Variants in FHOD3 observed in about 807,000 individuals in gnomAD.
FHOD3 encodes the protein FH1/FH2 domain-containing protein 3.
In FHOD3, 90 loss-of-function variants were observed where a neutral mutation model predicts 173.0. The ratio of observed to expected loss-of-function variants is 0.52; its 90% CI spans 0.44 to 0.62. The LOEUF is 0.62. Among genes scored for constraint, FHOD3 ranks in the 20% least tolerant of loss-of-function variants. The probability of loss-of-function intolerance (pLI) is 0.00; values close to 1 mark genes in which losing one functional copy is unlikely to be tolerated. For missense variants in FHOD3, 1,945 were observed against 2,034.7 expected (o/e 0.96, Z 0.85); for synonymous variants, 828 against 823.0 (o/e 1.01, Z -0.10).
At chr18:36,729,373 G>A (rs150656351) in intron 19 of FHOD3, among the ~76,000 whole-genome samples, 1 of 152,324 alleles carries the variant, frequency 6.6e-6, no homozygotes, top group East Asian at 1.9e-4. Context: ...GAGGAAAGCT[G>A]GGGGCCTTGT....
intron 6 of FHOD3, among the ~76,000 whole-genome samples, chr18:36,582,649 G>A (rs1047915356): frequency 5.3e-5 from 8 of 152,154 alleles, no homozygotes; most frequent in Non-Finnish European, 8.8e-5. Flanking sequence ...TAAACTTGAT[G>A]GCTGCTACAG....
chr18:36,405,977 TTAG>T (rs2049035742), intron 3 of FHOD3, among the ~76,000 whole-genome samples: 1 of 152,218 alleles, frequency 6.6e-6, no homozygotes, highest in African/African-American at 2.4e-5. Flanking sequence ...TGCTAAGCAC[TTAG>T]TAGGTTTTTG....
chr18:36,657,816 A>G (rs1182038888), intron 13 of FHOD3, among the ~76,000 whole-genome samples: 2 of 152,216 alleles, frequency 1.3e-5, no homozygotes, highest in African/African-American at 4.8e-5. Flanking sequence ...AAAAAACAGG[A>G]AATGTTAGGG....
At chr18:36,587,473 C>G (rs985832907) in intron 6 of FHOD3, among the ~76,000 whole-genome samples, 7 of 152,206 alleles carry the variant, frequency 4.6e-5, no homozygotes, top group Non-Finnish European at 1.0e-4. Context: ...CAACCTTCAT[C>G]TAAGCCCCAG....
intron 6 of FHOD3, among the ~76,000 whole-genome samples, chr18:36,594,472 C>T (rs772294862): frequency 2.0e-5 from 3 of 152,130 alleles, no homozygotes; most frequent in South Asian, 2.1e-4. Context: ...TCAGCACATA[C>T]TCGTGTTTGA....
chr18:36,393,789 A>T lies in FHOD3; in HGVS notation c.337+21045A>T, dbSNP rs73949467. On this transcript the variant is annotated intron_variant, in intron 3 of 28. Transcript: ENST00000590592. ...GGGCCAGAAGGCTTCCTCTTAAATT[A>T]TACTGATCCTACTGCAGGGTTGATA... Among the ~76,000 whole-genome samples the T allele has an allele frequency of 5.3e-3, 814 of 152,264 alleles. 10 individuals are homozygous for T. Among genetic ancestry groups the T allele is most frequent in the African/African-American group, 0.018 (767 of 41,552 alleles).
Position 36,329,292 on chromosome 18 carries a change from C to T in FHOD3, c.166-26247C>T, listed in dbSNP as rs548974836. ...CTGTCTCGTGTGATTTGTACCAGTC[C>T]GCCCAACGAACCACTCTTGTACCCC... On this transcript the variant is annotated intron_variant, in intron 1 of 28. Coordinates refer to ENST00000590592, the MANE Select transcript of FHOD3 (RefSeq NM_001281740.3). Among the ~76,000 whole-genome samples the T allele has an allele frequency of 1.8e-3, 271 of 152,216 alleles. 1 individual carries two copies. Among genetic ancestry groups the T allele is most frequent in the Non-Finnish European group, 1.9e-3 (126 of 68,012 alleles).
chr18:36,510,022 A>G (rs73948003), intron 4 of FHOD3, among the ~76,000 whole-genome samples: 1,610 of 152,312 alleles, frequency 0.011, 21 homozygotes, highest in African/African-American at 0.036. Flanking sequence ...CTGTCTGGGC[A>G]TGGATCACCA....
intron 17 of FHOD3, among the ~76,000 whole-genome samples, chr18:36,698,372 A>G (rs558581201): frequency 6.6e-6 from 1 of 152,320 alleles, no homozygotes; most frequent in East Asian, 1.9e-4. Flanking sequence ...GTCTTCTTGC[A>G]TCATATTTGG....
At chr18:36,704,960 C>G (rs2039791047) in intron 17 of FHOD3, among the ~76,000 whole-genome samples, 1 of 151,446 alleles carries the variant, frequency 6.6e-6, no homozygotes, top group African/African-American at 2.4e-5. Context: ...CTCTTGAGCT[C>G]CACTGATTGG....
At chr18:36,357,679 T>C (rs2046424473) in intron 2 of FHOD3, among the ~76,000 whole-genome samples, 1 of 152,242 alleles carries the variant, frequency 6.6e-6, no homozygotes, top group South Asian at 2.1e-4. Flanking sequence ...CAATAGTTTT[T>C]ATCAAGTATT....
intron 19 of FHOD3, among the ~76,000 whole-genome samples, chr18:36,730,432 TG>T (rs1158622249): frequency 6.6e-6 from 1 of 152,248 alleles, no homozygotes; most frequent in African/African-American, 2.4e-5. Flanking sequence ...TGTATGTGTC[TG>T]ACTCTTGAAG....
chr18:36,473,740 A>T (rs1014362049), intron 3 of FHOD3, among the ~76,000 whole-genome samples: 4 of 152,386 alleles, frequency 2.6e-5, no homozygotes. Context: ...TGAAAGGAAG[A>T]TATTTTCACA....
intron 17 of FHOD3, among the ~76,000 whole-genome samples, chr18:36,704,624 C>G (rs141717790): frequency 7.0e-4 from 106 of 152,298 alleles, no homozygotes; most frequent in African/African-American, 2.4e-3. Flanking sequence ...GCATTACATG[C>G]TGGGGAAGGG....
At chr18:36,666,243 G>A (rs565477730) in intron 14 of FHOD3, among the ~76,000 whole-genome samples, 74 of 152,354 alleles carry the variant, frequency 4.9e-4, no homozygotes, top group Non-Finnish European at 9.3e-4. Flanking sequence ...AAGCAAGAGG[G>A]AGACTGAAAT....
At chr18:36,620,822 C>A (rs2033642644) in intron 9 of FHOD3, among the ~76,000 whole-genome samples, 1 of 152,208 alleles carries the variant, frequency 6.6e-6, no homozygotes, top group Non-Finnish European at 1.5e-5. Context: ...GTTAATGCAT[C>A]TCAAAAATAT....
intron 3 of FHOD3, among the ~76,000 whole-genome samples, chr18:36,482,850 CACACACACAG>C (rs2053985572): frequency 2.9e-5 from 3 of 104,274 alleles, no homozygotes; most frequent in Admixed American, 1.2e-4. Flanking sequence ...CACACACTCA[CACACACACAG>C]AGAGAGAGAG....
chr18:36,607,487 G>A (rs948744426), intron 8 of FHOD3, among the ~76,000 whole-genome samples: 4 of 152,274 alleles, frequency 2.6e-5, no homozygotes, highest in Admixed American at 6.5e-5. Flanking sequence ...TTCTCCCATC[G>A]TCTTGGTGAA....
At chr18:36,657,688 C>CA (rs1168021911) in intron 13 of FHOD3, among the ~76,000 whole-genome samples, 1 of 152,134 alleles carries the variant, frequency 6.6e-6, no homozygotes, top group African/African-American at 2.4e-5. Flanking sequence ...TCTTACAGAC[C>CA]TGTGATGGAA....
Sources: allele counts gnomAD v4.1 joint callset (sites outside exome capture counted in the v4.1 genomes callset), GRCh38; gene constraint gnomAD v4.1.1; transcripts MANE v1.5; gene names NCBI Gene and HGNC (gene_info 2026-07-23, HGNC 2026-07-21).